The following ULK4 variants were observed in gnomAD, a reference collection of about 807,000 sequenced individuals.
ULK4 encodes inactive serine/threonine-protein kinase ULK4.
ULK4 carries 133 observed loss-of-function variants against 160.6 expected under a neutral mutation model. The ratio of observed to expected loss-of-function variants is 0.83; its 90% CI spans 0.72 to 0.96. The LOEUF is 0.96. Among genes scored for constraint, ULK4 ranks in the 40% least tolerant of loss-of-function variants. The probability of loss-of-function intolerance (pLI) is 0.00; values close to 1 mark genes in which losing one functional copy is unlikely to be tolerated. For synonymous variants in ULK4, 534 were observed against 539.8 expected (o/e 0.99, Z 0.15); for missense variants, 1,580 against 1,499.5 (o/e 1.05, Z -0.89).
At chr3:41,308,659 G>A (rs1238995277) in intron 35 of ULK4, among the ~76,000 whole-genome samples, 3 of 152,108 alleles carry the variant, frequency 2.0e-5, no homozygotes, top group South Asian at 2.1e-4. Flanking sequence ...AAATAGATAC[G>A]GGTTGAGTAT....
intron 12 of ULK4, among the ~76,000 whole-genome samples, chr3:41,902,526 C>T (rs1328101100): frequency 6.8e-6 from 1 of 146,858 alleles, no homozygotes; most frequent in African/African-American, 2.5e-5. Context: ...TGCAGTGAGC[C>T]GAGATTGCGC....
rs1397778254 is a variant in ULK4 at position 41,882,163 on chromosome 3, GTTTTA to G, written c.1656+1706_1656+1710del. 4 of 701,724 alleles carry G rather than the reference GTTTTA, an allele frequency of 5.7e-6. No individual in the cohort carries two copies. The Admixed American group carries it at 8.0e-5, about 14-fold the overall frequency. 43.5% of individuals were successfully genotyped at this position (701,724 alleles called of 1,614,324 possible). A position where few individuals can be genotyped will look rare whatever the true frequency, so the allele number is the denominator to read the frequency against. Reference sequence around the variant, plus strand: ...ACGGAGTCCCAAGAATGCTGATACAGTTTTATTTATTTTGAAATATTTGTCAGTAT... The same window carrying G: ...ACGGAGTCCCAAGAATGCTGATACAGTTTATTTTGAAATATTTGTCAGTAT... On this transcript the variant is annotated intron_variant, in intron 17 of 36. Transcript: ENST00000301831.
intron 32 of ULK4, among the ~76,000 whole-genome samples, chr3:41,533,933 G>A (rs751211969): frequency 3.9e-4 from 59 of 152,198 alleles, no homozygotes; most frequent in African/African-American, 5.8e-4. Context: ...TCAGCCTCCT[G>A]AGTAGCTGGG....
chr3:41,344,853 T>C (rs1292906390), intron 35 of ULK4, among the ~76,000 whole-genome samples: 5 of 148,298 alleles, frequency 3.4e-5, no homozygotes, highest in African/African-American at 1.2e-4. Flanking sequence ...CCTGACAACC[T>C]ACAGAATGGG....
At chr3:41,653,405 G>T (rs901621298) in intron 30 of ULK4, among the ~76,000 whole-genome samples, 2 of 152,076 alleles carry the variant, frequency 1.3e-5, no homozygotes, top group African/African-American at 4.8e-5. Context: ...TCCTCACATG[G>T]CACCCAGTGG....
intron 18 of ULK4, among the ~76,000 whole-genome samples, chr3:41,826,465 T>C (rs907040397): frequency 2.0e-5 from 3 of 151,560 alleles, no homozygotes; most frequent in African/African-American, 7.3e-5. Context: ...TGGAGGAAGA[T>C]CTACAAAGCA....
chr3:41,917,472 A>T (rs912238842), intron 7 of ULK4, among the ~76,000 whole-genome samples: 3 of 152,078 alleles, frequency 2.0e-5, no homozygotes, highest in Non-Finnish European at 2.9e-5. Context: ...TCAAATATAT[A>T]TATATGTATA....
At chr3:41,651,566 G>A (rs1297588318) in intron 30 of ULK4, among the ~76,000 whole-genome samples, 3 of 152,160 alleles carry the variant, frequency 2.0e-5, no homozygotes, top group African/African-American at 7.2e-5. Flanking sequence ...ATGAATGAAT[G>A]AATGAATGAC....
chr3:41,727,140 G>A (rs76505374), intron 22 of ULK4, among the ~76,000 whole-genome samples: 3 of 152,100 alleles, frequency 2.0e-5, no homozygotes, highest in South Asian at 2.1e-4. Context: ...AACTCTGATC[G>A]GCCTTCTATT....
In ULK4 at chr3:41,341,211, CTT is replaced by C. The variant is rs141068869; in HGVS notation, c.3678+56866_3678+56867del. On this transcript the variant is annotated intron_variant, in intron 35 of 36. Coordinates refer to ENST00000301831, the MANE Select transcript of ULK4 (RefSeq NM_017886.4). Reference sequence around the variant, plus strand: ...CAGCTATACCATCAAGATGTTAAGACTTTTGCAGTTCATGTTTCAGAATAAAC... The same window carrying C: ...CAGCTATACCATCAAGATGTTAAGACTTGCAGTTCATGTTTCAGAATAAAC... Among the ~76,000 whole-genome samples, 863 of 152,322 alleles carry C rather than the reference CTT, an allele frequency of 5.7e-3. 7 individuals carry two copies. The highest frequency in any genetic ancestry group is 0.02 in the African/African-American group (823 of 41,564).
chr3:41,415,536 G>A (rs527857687), intron 34 of ULK4, among the ~76,000 whole-genome samples: 2 of 152,250 alleles, frequency 1.3e-5, no homozygotes, highest in African/African-American at 4.8e-5. Flanking sequence ...GCCGCTCAGG[G>A]TATTTGCATC....
intron 35 of ULK4, among the ~76,000 whole-genome samples, chr3:41,372,809 A>G (rs1258474937): frequency 2.6e-5 from 4 of 152,220 alleles, no homozygotes; most frequent in African/African-American, 9.6e-5. Flanking sequence ...TTAAATGTAA[A>G]TGGGCTAAAT....
intron 34 of ULK4, among the ~76,000 whole-genome samples, chr3:41,402,485 C>A (rs2082202433): frequency 6.6e-6 from 1 of 152,126 alleles, no homozygotes; most frequent in Non-Finnish European, 1.5e-5. Context: ...ATGGTGCTAG[C>A]TGTAAATTTT....
At chr3:41,364,110 A>G (rs910152160) in intron 35 of ULK4, among the ~76,000 whole-genome samples, 3 of 152,086 alleles carry the variant, frequency 2.0e-5, no homozygotes, top group African/African-American at 4.8e-5. Context: ...TTAAAAATAT[A>G]TATTTTTTGT....
At chr3:41,428,390 C>A (rs747425085) in intron 34 of ULK4, among the ~76,000 whole-genome samples, 20 of 152,084 alleles carry the variant, frequency 1.3e-4, no homozygotes, top group Non-Finnish European at 1.9e-4. Flanking sequence ...CTACCATTGA[C>A]ATTCTTCAAA....
chr3:41,599,739 A>G (rs2031943340), intron 31 of ULK4, among the ~76,000 whole-genome samples: 2 of 151,638 alleles, frequency 1.3e-5, no homozygotes, highest in African/African-American at 4.8e-5. Flanking sequence ...TAATTTTTGT[A>G]TTTTTAGTAG....
chr3:41,709,247 A>G (rs917663370), intron 25 of ULK4, among the ~76,000 whole-genome samples: 1 of 152,236 alleles, frequency 6.6e-6, no homozygotes, highest in Admixed American at 6.5e-5. Flanking sequence ...AAAAAAACTT[A>G]AAGACATTTA....
At chr3:41,345,882 G>C (rs2080788140) in intron 35 of ULK4, among the ~76,000 whole-genome samples, 1 of 152,156 alleles carries the variant, frequency 6.6e-6, no homozygotes, top group Non-Finnish European at 1.5e-5. Context: ...AGTGGGTAAA[G>C]GCTATAAACC....
intron 19 of ULK4, among the ~76,000 whole-genome samples, chr3:41,808,036 C>T (rs1336510730): frequency 6.6e-6 from 1 of 152,136 alleles, no homozygotes; most frequent in African/African-American, 2.4e-5. Context: ...TAAGCCTTAA[C>T]TGGACAGGTA....
Sources: gnomAD v4.1 joint callset for allele counts (sites outside exome capture counted in the v4.1 genomes callset) on GRCh38, gnomAD v4.1.1 for gene constraint, MANE v1.5 for transcripts, NCBI Gene and HGNC (gene_info 2026-07-23, HGNC 2026-07-21) for gene names.